Variants in TASP1 observed in about 807,000 individuals in gnomAD.
The protein encoded by TASP1 is threonine aspartase 1.
Under a neutral mutation model 56.6 loss-of-function variants are expected in TASP1, and 16 were observed. The ratio of observed to expected loss-of-function variants is 0.28; its 90% CI spans 0.19 to 0.43. The LOEUF (loss-of-function observed/expected upper bound fraction) is 0.43. Ranked by LOEUF, TASP1 falls within the 20% of genes least tolerant of loss-of-function variation. The pLI, the probability that TASP1 is intolerant of heterozygous loss-of-function variation, is 1.00. For missense variants in TASP1, 393 were observed against 511.6 expected (o/e 0.77, Z 2.24); for synonymous variants, 179 against 184.2 (o/e 0.97, Z 0.23).
At chr20:13,308,671 A>G in the TASP1 span, among the ~76,000 whole-genome samples, 5 of 152,254 alleles carry the variant, frequency 3.3e-5, no homozygotes, top group African/African-American at 9.6e-5. Flanking sequence ...ATTGTCAAAA[A>G]TGTGTCTATA....
chr20:13,267,396 T>G, the TASP1 span, among the ~76,000 whole-genome samples: 6 of 152,234 alleles, frequency 3.9e-5, no homozygotes, highest in Non-Finnish European at 8.8e-5. Flanking sequence ...GTTGTCTGAC[T>G]ATTCCCGGCA....
intron 13 of TASP1, among the ~76,000 whole-genome samples, chr20:13,394,654 A>T (rs2041455448): frequency 6.6e-6 from 1 of 152,012 alleles, no homozygotes; most frequent in Non-Finnish European, 1.5e-5. Flanking sequence ...GTATAGACTA[A>T]CTAAAATTTT....
chr20:13,194,097 A>G, the TASP1 span, among the ~76,000 whole-genome samples: 1 of 152,174 alleles, frequency 6.6e-6, no homozygotes, highest in South Asian at 2.1e-4. Context: ...TTGTCCAGCT[A>G]TCATTAGTTT....
At chr20:13,587,518 T>C (rs1005014079) in intron 4 of TASP1, 148 bp from the exon 5 acceptor site, 2 of 608,506 alleles carry the variant, frequency 3.3e-6, no homozygotes, top group Admixed American at 3.5e-5. Context: ...TGTTAAAACA[T>C]GACAAAGATA....
At chr20:13,253,982 C>T in the TASP1 span, among the ~76,000 whole-genome samples, 1 of 150,202 alleles carries the variant, frequency 6.7e-6, no homozygotes, top group African/African-American at 2.5e-5. Flanking sequence ...CCTTGGGAGG[C>T]CGAGGTGAGC....
chr20:13,636,100 T>TTAAGC (rs1241295944), intron 1 of TASP1, among the ~76,000 whole-genome samples: 2 of 151,728 alleles, frequency 1.3e-5, no homozygotes, highest in Non-Finnish European at 2.9e-5. Flanking sequence ...AATCCAGCCC[T>TTAAGC]TAAGCTATTA....
At chr20:13,299,255 C>T in the TASP1 span, 1 of 1,605,960 alleles carries the variant, frequency 6.2e-7, no homozygotes, top group African/African-American at 1.3e-5. The surrounding 1 kb of genome is among the most constrained non-coding windows in gnomAD (Gnocchi z 5.8). Context: ...TCACCAGGGG[C>T]AAGGGGGCGG....
the TASP1 span, among the ~76,000 whole-genome samples, chr20:13,189,077 C>A: frequency 6.6e-6 from 1 of 152,162 alleles, no homozygotes; most frequent in African/African-American, 2.4e-5. Context: ...CACAAGGCAC[C>A]CCTGGAGTCT....
chr20:13,360,520 G>A, the TASP1 span, among the ~76,000 whole-genome samples: 3 of 152,136 alleles, frequency 2.0e-5, no homozygotes, highest in East Asian at 3.9e-4. Context: ...TTACACAAGA[G>A]CCAGGACCAC....
At chr20:13,424,887 C>T (rs1186348843) in intron 12 of TASP1, among the ~76,000 whole-genome samples, 2 of 152,098 alleles carry the variant, frequency 1.3e-5, no homozygotes, top group East Asian at 3.9e-4. Context: ...AGAGATTTGG[C>T]ACAATTCTTC....
intron 5 of TASP1, among the ~76,000 whole-genome samples, chr20:13,586,377 A>T (rs922904609): frequency 3.3e-5 from 5 of 152,162 alleles, no homozygotes; most frequent in African/African-American, 1.2e-4. Flanking sequence ...CTGACACAAA[A>T]CATGGATCCA....
chr20:13,232,718 C>T, the TASP1 span, among the ~76,000 whole-genome samples: 1 of 152,190 alleles, frequency 6.6e-6, no homozygotes, highest in Non-Finnish European at 1.5e-5. Context: ...CTTTTTGGTG[C>T]ACTCACATAA....
chr20:13,458,059 A>G (rs2146331533), intron 11 of TASP1, among the ~76,000 whole-genome samples: 1 of 152,312 alleles, frequency 6.6e-6, no homozygotes, highest in South Asian at 2.1e-4. Flanking sequence ...TAGCCTAGTC[A>G]TTGGTGGTAC....
the TASP1 span, among the ~76,000 whole-genome samples, chr20:13,190,969 C>A: frequency 6.6e-6 from 1 of 151,878 alleles, no homozygotes; most frequent in African/African-American, 2.4e-5. Flanking sequence ...AAAATACATA[C>A]AAATGGCCAA....
In TASP1 at chr20:13,486,984, T is replaced by C. The variant is rs142332440; in HGVS notation, c.875-3647A>G. Among the ~76,000 whole-genome samples, 360 of 152,216 alleles carry C rather than the reference T, an allele frequency of 2.4e-3. 1 individual carries two copies. The highest frequency in any genetic ancestry group is 3.5e-3 in the Non-Finnish European group (238 of 68,016). On this transcript the variant is annotated intron_variant, in intron 10 of 13. Transcript: ENST00000337743. ...AACAATGTACTGGAGATTTCAGCCATTGTAATAAGGCAAGGGGAAAAAAGG... is the reference window on the plus strand; with the variant it reads ...AACAATGTACTGGAGATTTCAGCCACTGTAATAAGGCAAGGGGAAAAAAGG...
the TASP1 span, among the ~76,000 whole-genome samples, chr20:13,173,204 G>A: frequency 1.3e-5 from 2 of 152,194 alleles, no homozygotes; most frequent in African/African-American, 2.4e-5. Flanking sequence ...AGCATCCAGA[G>A]ATCTATAAAA....
intron 13 of TASP1, among the ~76,000 whole-genome samples, chr20:13,406,752 T>C (rs577990864): frequency 1.3e-5 from 2 of 150,862 alleles, no homozygotes; most frequent in Non-Finnish European, 3.0e-5. Context: ...CTACAAGCTC[T>C]GCCTCCCAGG....
intron 13 of TASP1, among the ~76,000 whole-genome samples, chr20:13,400,992 C>T (rs1187797601): frequency 6.6e-6 from 1 of 152,104 alleles, no homozygotes; most frequent in Non-Finnish European, 1.5e-5. Flanking sequence ...GGTTCAAAAT[C>T]TACAACACGG....
chr20:13,303,466 T>G, the TASP1 span, among the ~76,000 whole-genome samples: 14 of 152,356 alleles, frequency 9.2e-5, no homozygotes, highest in African/African-American at 3.1e-4. Flanking sequence ...TGGGTCTGCT[T>G]TTCCCACCAC....
Sources: gnomAD v4.1 joint callset for allele counts (sites outside exome capture counted in the v4.1 genomes callset) on GRCh38, gnomAD v4.1.1 for gene constraint, Gnocchi (gnomAD v3.1) non-coding constraint, MANE v1.5 for transcripts, NCBI Gene and HGNC (gene_info 2026-07-23, HGNC 2026-07-21) for gene names.